Variants in GPAT3 observed in about 807,000 individuals in gnomAD.
GPAT3 encodes the protein 1-AGP acyltransferase 9.
In GPAT3, 53 loss-of-function variants were observed where a neutral mutation model predicts 58.8. The ratio of observed to expected loss-of-function variants is 0.90; its 90% CI spans 0.72 to 1.13. The LOEUF (loss-of-function observed/expected upper bound fraction) is 1.13, where lower values mean the gene tolerates loss of function less well. GPAT3 is among the 50% of genes most tolerant of loss of function. The pLI is 0.00. For missense variants in GPAT3, 511 were observed against 527.6 expected, an observed-to-expected ratio of 0.97 and a Z score of 0.31; for synonymous variants, 197 against 187.4, an observed-to-expected ratio of 1.05 and a Z score of -0.42.
Position 83,553,972 on chromosome 4 carries a change from A to T in GPAT3, c.208+9370A>T, listed in dbSNP as rs187394101. 3.9e-3 allele frequency among the ~76,000 whole-genome samples: 588 copies of T among 152,196 alleles called. 6 individuals carry two copies. Among genetic ancestry groups the T allele is most frequent in the South Asian group, 0.027 (129 of 4,814 alleles). Reference sequence around the variant, plus strand: ...ATCAGACAATAGTCCCTTATAGTCAACTCAATAATACATAGCCTTTTATTT... The same window carrying T: ...ATCAGACAATAGTCCCTTATAGTCATCTCAATAATACATAGCCTTTTATTT... On this transcript the variant is annotated intron_variant, in intron 2 of 11. Coordinates refer to ENST00000264409, the MANE Select transcript of GPAT3 (RefSeq NM_032717.5).
chr4:83,583,675 A>G (rs1477102052), intron 3 of GPAT3, among the ~76,000 whole-genome samples: 2 of 145,852 alleles, frequency 1.4e-5, no homozygotes, highest in Non-Finnish European at 3.0e-5. Context: ...CTGAAAAAAA[A>G]AAAAAAAAAA....
At chr4:83,540,880 G>T (rs955058674) in intron 1 of GPAT3, among the ~76,000 whole-genome samples, 1 of 151,780 alleles carries the variant, frequency 6.6e-6, no homozygotes, top group Non-Finnish European at 1.5e-5. Context: ...AATAGAGATG[G>T]GGTTTCACTA....
chr4:83,598,397 A>G, intron 10 of GPAT3: 2 of 720,068 alleles, frequency 2.8e-6, no homozygotes, highest in Non-Finnish European at 4.5e-6. Flanking sequence ...TATTGAACCT[A>G]CAGATATTAT....
intron 2 of GPAT3, among the ~76,000 whole-genome samples, chr4:83,576,772 C>A (rs1725838820): frequency 6.6e-6 from 1 of 152,050 alleles, no homozygotes; most frequent in African/African-American, 2.4e-5. Flanking sequence ...TTAAAAGACA[C>A]ATAGTACTTA....
chr4:83,595,592 A>G (rs1726791679), intron 7 of GPAT3, among the ~76,000 whole-genome samples: 3 of 152,230 alleles, frequency 2.0e-5, no homozygotes, highest in African/African-American at 4.8e-5. Context: ...ATGTGGTGGC[A>G]TATGCCTGTG....
chr4:83,571,893 C>T (rs1485395677), intron 2 of GPAT3, among the ~76,000 whole-genome samples: 1 of 151,940 alleles, frequency 6.6e-6, no homozygotes, highest in African/African-American at 2.4e-5. Context: ...CTGTGTCAGC[C>T]TCCCAAGTAG....
At chr4:83,574,317 A>G (rs1361292832) in intron 2 of GPAT3, among the ~76,000 whole-genome samples, 3 of 152,210 alleles carry the variant, frequency 2.0e-5, no homozygotes, top group Non-Finnish European at 2.9e-5. Flanking sequence ...TGTGATTTAT[A>G]AATGGACTGT....
Position 83,570,559 on chromosome 4 carries a change from G to A in GPAT3, c.209-11003G>A, listed in dbSNP as rs780997834. On this transcript the variant is annotated intron_variant, in intron 2 of 11. Coordinates refer to ENST00000264409, the MANE Select transcript of GPAT3 (RefSeq NM_032717.5). ...ACGATCTCGGCTCACTGCAACCTCC[G>A]CCTCCTGGGTTCAAGTGATTCTCCT... is the stretch of plus-strand genomic sequence containing the variant. Among the ~76,000 whole-genome samples the A allele has an allele frequency of 2.8e-5, 4 of 143,408 alleles. 1 individual carries two copies. The highest frequency in any genetic ancestry group is 7.4e-3 in the Middle Eastern group (2 of 272). 94.1% of individuals were successfully genotyped at this position (143,408 alleles called of 152,430 possible).
intron 10 of GPAT3, 73 bp downstream of exon 10, chr4:83,598,252 C>G: frequency 6.4e-7 from 1 of 1,556,610 alleles, no homozygotes; most frequent in Non-Finnish European, 8.6e-7. Context: ...TGGGTGTCTC[C>G]CTTCTCCATG....
chr4:83,540,381 G>T (rs1302525517), intron 1 of GPAT3, among the ~76,000 whole-genome samples: 1 of 152,120 alleles, frequency 6.6e-6, no homozygotes, highest in Non-Finnish European at 1.5e-5. Flanking sequence ...CTTTTGTGAT[G>T]CCTTGAGACA....
rs143652066 is a variant in GPAT3 at position 83,555,004 on chromosome 4, A to C, written c.208+10402A>C. Among the ~76,000 whole-genome samples the C allele has an allele frequency of 3.2e-3, 487 of 152,020 alleles. 6 individuals are homozygous for C. The highest frequency in any genetic ancestry group is 0.028 in the East Asian group (144 of 5,164). ...TTTTTAGTAGAGACTGGGTTTTGCCATGTTGGCCAGGTTGTTCTCAAACTC... is the reference window on the plus strand; with the variant it reads ...TTTTTAGTAGAGACTGGGTTTTGCCCTGTTGGCCAGGTTGTTCTCAAACTC... On this transcript the variant is annotated intron_variant, in intron 2 of 11. Coordinates refer to ENST00000264409, the MANE Select transcript of GPAT3 (RefSeq NM_032717.5).
chr4:83,595,119 T>C (rs1297067901), intron 7 of GPAT3, 159 bp downstream of exon 7: 1 of 578,916 alleles, frequency 1.7e-6, no homozygotes, highest in Non-Finnish European at 3.0e-6. Context: ...CTTAGCCAGA[T>C]TTTTAAAAAA....
Position 83,581,587 on chromosome 4 carries a change from C to T in GPAT3, c.234C>T (p.Pro78=), listed in dbSNP as rs1726129297. The T allele has an allele frequency of 3.1e-6, 5 of 1,614,042 alleles. No homozygotes were observed. The highest frequency in any genetic ancestry group is 3.4e-6 in the Non-Finnish European group (4 of 1,179,962). The change falls in exon 3 of 12, where the codon CCC becomes CCT. Residue 78 remains proline, a synonymous_variant. Transcript: ENST00000264409. ...GTATTATCCAAAGAGATGAGTCACC[C>T]ATGGAAAAAGGGCTCTCTGGTCTAC... is the stretch of plus-strand genomic sequence containing the variant. The part of the protein sequence containing the change: ...SVGIIQRDES[P]MEKGLSGLRG...
chr4:83,570,916 C>A (rs540207066), intron 2 of GPAT3, among the ~76,000 whole-genome samples: 1 of 152,260 alleles, frequency 6.6e-6, no homozygotes, highest in South Asian at 2.1e-4. Context: ...CCCAATCGAG[C>A]TAAAGAACAC....
At chr4:83,540,395 A>G (rs958598094) in intron 1 of GPAT3, among the ~76,000 whole-genome samples, 4 of 152,122 alleles carry the variant, frequency 2.6e-5, no homozygotes, top group Admixed American at 1.3e-4. Context: ...TGAGACAGAT[A>G]TGTTCTGAGA....
At chr4:83,555,703 A>G (rs1724919837) in intron 2 of GPAT3, among the ~76,000 whole-genome samples, 1 of 152,250 alleles carries the variant, frequency 6.6e-6, no homozygotes, top group Non-Finnish European at 1.5e-5. Context: ...GGACTATGGG[A>G]ACGCTCAATT....
chr4:83,574,025 T>C (rs1196521324), intron 2 of GPAT3, among the ~76,000 whole-genome samples: 2 of 152,188 alleles, frequency 1.3e-5, no homozygotes, highest in African/African-American at 4.8e-5. Flanking sequence ...AGACTTTCTA[T>C]TTCATGCTAT....
At chr4:83,560,071 C>T (rs1029550516) in intron 2 of GPAT3, among the ~76,000 whole-genome samples, 2 of 152,150 alleles carry the variant, frequency 1.3e-5, no homozygotes, top group Non-Finnish European at 2.9e-5. Context: ...CACTGTGGAC[C>T]CCCTTCACTG....
At chr4:83,597,677 TCG>T (rs1233061465) in intron 9 of GPAT3, among the ~76,000 whole-genome samples, 162 bp downstream of exon 9, 3 of 152,198 alleles carry the variant, frequency 2.0e-5, no homozygotes, top group African/African-American at 7.2e-5. Context: ...TCTCATGTGC[TCG>T]CTCTCTATAT....
Sources: allele counts gnomAD v4.1 joint callset (sites outside exome capture counted in the v4.1 genomes callset), GRCh38; gene constraint gnomAD v4.1.1; transcripts MANE v1.5; gene names NCBI Gene and HGNC (gene_info 2026-07-23, HGNC 2026-07-21).